Variants in POLK observed in about 807,000 individuals in gnomAD.
The protein encoded by POLK is DNA polymerase kappa.
In POLK, 76 loss-of-function variants were observed where a neutral mutation model predicts 94.0. The ratio of observed to expected loss-of-function variants is 0.81; its 90% CI spans 0.67 to 0.98. POLK has a LOEUF of 0.98. Among genes scored for constraint, POLK ranks in the 50% least tolerant of loss-of-function variants. The pLI is 0.00. For missense variants in POLK, 954 were observed against 1,010.1 expected (o/e 0.94, Z 0.75); for synonymous variants, 349 against 325.4 (o/e 1.07, Z -0.78).
intron 1 of POLK, among the ~76,000 whole-genome samples, chr5:75,525,543 C>G (rs1019978370): frequency 1.3e-5 from 2 of 152,028 alleles, no homozygotes; most frequent in African/African-American, 4.8e-5. Context: ...TGTGGAACAA[C>G]AGCAAAGGAG....
intron 8 of POLK, among the ~76,000 whole-genome samples, chr5:75,583,866 A>G (rs1017648632): frequency 6.6e-6 from 1 of 152,180 alleles, no homozygotes; most frequent in Non-Finnish European, 1.5e-5. Flanking sequence ...GGGGTTCCAG[A>G]AAGTGTATAC....
chr5:75,590,968 A>G (rs541017370), intron 11 of POLK, among the ~76,000 whole-genome samples: 25 of 152,278 alleles, frequency 1.6e-4, no homozygotes, highest in African/African-American at 6.0e-4. Context: ...ATTTATATTT[A>G]GTGTATTCCC....
exon 13 of POLK, chr5:75,596,705 A>G (rs749502207): frequency 5.6e-6 from 9 of 1,614,020 alleles, no homozygotes; most frequent in Non-Finnish European, 7.6e-6. Flanking sequence ...AAAGTTAACA[A>G]GAAAGAAAAT....
intron 3 of POLK, 34 bp from the exon 4 acceptor site, chr5:75,569,306 T>C (rs1404949820): frequency 6.8e-7 from 1 of 1,478,076 alleles, no homozygotes; most frequent in Non-Finnish European, 9.4e-7. Flanking sequence ...TATTATGTTG[T>C]CTAAAAGTAT....
At position 75,552,548 on chromosome 5, in the gene POLK, A is replaced by T. The variant is rs1281397943; in HGVS notation, c.212A>T (p.Lys71Ile). ...CGAATTGAAAATATGATGCAACAAA[A>T]AGCTCAAATCACCAGCCAACAGCTA... is the stretch of plus-strand genomic sequence containing the variant. Residue 71 changes from lysine to isoleucine, a missense_variant, in exon 3 of 15, where the codon AAA (lysine) becomes ATA (isoleucine). Transcript: ENST00000241436. The T allele has an allele frequency of 1.9e-6, 3 of 1,612,578 alleles. No homozygotes were observed. In the East Asian group the frequency reaches 6.7e-5, roughly 36 times the overall value.
At chr5:75,607,762 A>C in the POLK span, among the ~76,000 whole-genome samples, 1 of 152,172 alleles carries the variant, frequency 6.6e-6, no homozygotes, top group African/African-American at 2.4e-5. Flanking sequence ...AGCCATAGTT[A>C]CTTGGGTTTT....
At chr5:75,539,549 G>A (rs1284516602) in intron 1 of POLK, among the ~76,000 whole-genome samples, 1 of 152,016 alleles carries the variant, frequency 6.6e-6, no homozygotes, top group Admixed American at 6.6e-5. Context: ...AGACTGGAAT[G>A]CAGTGGCACT....
intron 1 of POLK, among the ~76,000 whole-genome samples, chr5:75,536,647 A>G (rs1366754431): frequency 6.6e-6 from 1 of 151,874 alleles, no homozygotes; most frequent in Non-Finnish European, 1.5e-5. Context: ...TGCTGGGACA[A>G]TAGTAGGCTG....
At chr5:75,547,862 A>G (rs1019676009) in intron 2 of POLK, among the ~76,000 whole-genome samples, 5 of 152,210 alleles carry the variant, frequency 3.3e-5, no homozygotes, top group Non-Finnish European at 5.9e-5. Context: ...AAACTTTTGT[A>G]TTTGGCAATC....
At chr5:75,537,880 G>A (rs762962804) in intron 1 of POLK, among the ~76,000 whole-genome samples, 16 of 149,276 alleles carry the variant, frequency 1.1e-4, no homozygotes, top group African/African-American at 3.7e-4. Context: ...TTTTTGAGAC[G>A]GAGTCTTGCT....
chr5:75,511,242 G>A, upstream of POLK: 2 of 1,607,170 alleles, frequency 1.2e-6, no homozygotes, highest in Non-Finnish European at 1.7e-6. Context: ...ACCGGCCCCC[G>A]CTCCCTCAGC....
At chr5:75,586,580 A>T (rs908368105) in intron 9 of POLK, among the ~76,000 whole-genome samples, 5 of 152,206 alleles carry the variant, frequency 3.3e-5, no homozygotes, top group African/African-American at 1.2e-4. Context: ...CTGAGGTTCT[A>T]TTATAGAGTG....
chr5:75,591,805 AT>A (rs1772802582), intron 11 of POLK, among the ~76,000 whole-genome samples: 1 of 152,068 alleles, frequency 6.6e-6, no homozygotes, highest in Non-Finnish European at 1.5e-5. Flanking sequence ...TTGTCTGATG[AT>A]TTTCTCATGA....
At chr5:75,541,987 A>G (rs1395398665) in intron 1 of POLK, among the ~76,000 whole-genome samples, 1 of 152,228 alleles carries the variant, frequency 6.6e-6, no homozygotes, top group African/African-American at 2.4e-5. Context: ...AAAGTAGATC[A>G]TATAAGATGT....
chr5:75,522,100 C>T (rs1444863820), intron 1 of POLK, among the ~76,000 whole-genome samples: 1 of 152,222 alleles, frequency 6.6e-6, no homozygotes, highest in Non-Finnish European at 1.5e-5. Context: ...CTGTTTCTCC[C>T]TTTGTGTACT....
the POLK span, among the ~76,000 whole-genome samples, chr5:75,606,825 G>C: frequency 6.6e-6 from 1 of 152,162 alleles, no homozygotes; most frequent in Non-Finnish European, 1.5e-5. Flanking sequence ...CCTTGGCACT[G>C]GTTGGAAGGA....
At chr5:75,589,401 ACACACAC>A (rs1428513669) in intron 10 of POLK, among the ~76,000 whole-genome samples, 2 of 147,828 alleles carry the variant, frequency 1.4e-5, no homozygotes, top group Admixed American at 1.4e-4. Flanking sequence ...ACACACACAC[ACACACAC>A]ACACACACAC....
chr5:75,565,773 CAT>C (rs1771233651), intron 3 of POLK, among the ~76,000 whole-genome samples: 4 of 152,174 alleles, frequency 2.6e-5, no homozygotes, highest in Admixed American at 1.3e-4. Context: ...AGAGGGGCAC[CAT>C]CAGATGCCAG....
At position 75,547,197 on chromosome 5, in the gene POLK, C is replaced by T. The variant is rs778065289; in HGVS notation, c.135+40C>T. 3.5e-6 allele frequency: 4 copies of T among 1,143,674 alleles called. No individual in the cohort carries two copies. The South Asian group carries it at 7.5e-5, about 21-fold the overall frequency. The allele number at this position is 1,143,674 out of a possible 1,614,324, so 70.8% of individuals were successfully genotyped here. A position where few individuals can be genotyped will look rare whatever the true frequency, so the allele number is the denominator to read the frequency against. ...TCTTTTGATGTGTGTAATTTAATGA[C>T]CTTTTAACTTTCTGTTTCAAAGAAA... On this transcript the variant is annotated intron_variant, in intron 2 of 14. Transcript: ENST00000241436.
Sources: gnomAD v4.1 joint callset for allele counts (sites outside exome capture counted in the v4.1 genomes callset) on GRCh38, gnomAD v4.1.1 for gene constraint, MANE v1.5 for transcripts, NCBI Gene and HGNC (gene_info 2026-07-23, HGNC 2026-07-21) for gene names.